The following DSCAML1 variants were observed in gnomAD, a reference collection of about 807,000 sequenced individuals.
DSCAML1 encodes the protein DS cell adhesion molecule like 1.
DSCAML1 carries 38 observed loss-of-function variants against 200.5 expected under a neutral mutation model. The ratio of observed to expected loss-of-function variants is 0.19; its 90% CI spans 0.15 to 0.25. DSCAML1 has a LOEUF of 0.25. Ranked by LOEUF, DSCAML1 falls within the 10% of genes least tolerant of loss-of-function variation. The pLI, the probability that DSCAML1 is intolerant of heterozygous loss-of-function variation, is 1.00. For synonymous variants in DSCAML1, 1,215 were observed against 1,165.0 expected (o/e 1.04, Z -0.87); for missense variants, 2,223 against 2,858.8 (o/e 0.78, Z 5.07).
rs1028734535 is a variant in DSCAML1 at position 117,518,974 on chromosome 11, A to G, written c.1214-212T>C. 6.6e-6 allele frequency among the ~76,000 whole-genome samples: 1 copy of G among 152,190 alleles called. No individual in the cohort carries two copies. Among genetic ancestry groups the G allele is most frequent in the Admixed American group, 6.5e-5 (1 of 15,286 alleles). On this transcript the variant is annotated intron_variant, in intron 6 of 32. Transcript: ENST00000651296. The surrounding 1 kb of genome is among the most constrained non-coding windows in gnomAD (Gnocchi z 6.3). ...GGCTGTAGGGTTTGCATCCTCCCTC[A>G]ATCACTTATTAGCTCTGGGTCTTTG...
In DSCAML1 at chr11:117,469,950, A is replaced by G; in HGVS notation, c.2984T>C (p.Leu995Ser). 6.2e-7 allele frequency: 1 copy of G among 1,608,448 alleles called. No individual in the cohort carries two copies. Among genetic ancestry groups the G allele is most frequent in the East Asian group, 2.2e-5 (1 of 44,764 alleles). ...GATGCTCTGTGAGGTCACTGGCTGCAAGGTAACATCCATGGGGGGCCCATC... is the reference window on the plus strand; with the variant it reads ...GATGCTCTGTGAGGTCACTGGCTGCGAGGTAACATCCATGGGGGGCCCATC... Reference protein sequence around the residue: ...APDGPPMDVTLQPVTSQSIQV... With the variant: ...APDGPPMDVTSQPVTSQSIQV... The change falls in exon 16 of 33, where the codon TTG becomes TCG. Residue 995 changes from leucine (L) to serine (S), a missense_variant. Leu to Ser is a moderately radical substitution (Grantham distance 145, BLOSUM62 -2). Transcript: ENST00000651296. This position sits in a 1 kb window ranked among gnomAD's most constrained non-coding sequence, Gnocchi z 4.1.
At chr11:117,587,343 C>A (rs993148169) in intron 3 of DSCAML1, among the ~76,000 whole-genome samples, 4 of 149,256 alleles carry the variant, frequency 2.7e-5, no homozygotes, top group African/African-American at 4.9e-5. Context: ...TGCACAAGGT[C>A]AACCAGTTAG....
chr11:117,709,101 G>A (rs1283790696), intron 3 of DSCAML1, among the ~76,000 whole-genome samples: 1 of 152,164 alleles, frequency 6.6e-6, no homozygotes, highest in Non-Finnish European at 1.5e-5. Context: ...TAAGGTGACT[G>A]ACTCCTGCCA....
chr11:117,446,263 C>G (rs191326570), intron 20 of DSCAML1, among the ~76,000 whole-genome samples: 341 of 152,346 alleles, frequency 2.2e-3, no homozygotes, highest in African/African-American at 7.9e-3. Context: ...ACTTGGGAGG[C>G]TGAGGCAGGA....
intron 3 of DSCAML1, among the ~76,000 whole-genome samples, chr11:117,562,949 T>A (rs1465765041): frequency 6.6e-6 from 1 of 152,160 alleles, no homozygotes; most frequent in African/African-American, 2.4e-5. Context: ...TATAAGGATG[T>A]TGGAAGGCTT....
rs369604538 is a variant in DSCAML1 at position 117,450,546 on chromosome 11, T to C, written c.3708+3A>G. 5 of 1,613,728 alleles carry C rather than the reference T, an allele frequency of 3.1e-6. No individual in the cohort carries two copies. The African/African-American group carries it at 5.3e-5, about 17-fold the overall frequency. ...TTCATCATCTGGCCCTGAACTCACTTACCGGCTGGCCAGACCCGGGGCTGG... is the reference window on the plus strand; with the variant it reads ...TTCATCATCTGGCCCTGAACTCACTCACCGGCTGGCCAGACCCGGGGCTGG... On this transcript the variant is annotated splice_donor_region_variant and intron_variant, in intron 20 of 32. Coordinates refer to ENST00000651296, the MANE Select transcript of DSCAML1 (RefSeq NM_020693.4).
intron 3 of DSCAML1, among the ~76,000 whole-genome samples, chr11:117,597,506 T>A (rs919333514): frequency 6.6e-6 from 1 of 152,204 alleles, no homozygotes; most frequent in Non-Finnish European, 1.5e-5. Context: ...TGGAGTGCAA[T>A]GGCACGATCT....
chr11:117,597,174 A>C (rs118019532), intron 3 of DSCAML1, among the ~76,000 whole-genome samples: 1 of 152,382 alleles, frequency 6.6e-6, no homozygotes, highest in East Asian at 1.9e-4. Context: ...TATTACAAAT[A>C]ACAAAATGTT....
Position 117,780,271 on chromosome 11 carries a change from A to G in DSCAML1, c.364+222T>C, listed in dbSNP as rs1376031742. On this transcript the variant is annotated intron_variant, in intron 2 of 32. Transcript: ENST00000651296. This position sits in a 1 kb window ranked among gnomAD's most constrained non-coding sequence, Gnocchi z 4.8. ...AAGAAAGAAAGAAAGAAAGAAAGAA[A>G]GAAAGAAAGAAAGAAAGAAAGAAAG... Among the ~76,000 whole-genome samples the G allele has an allele frequency of 6.3e-5, 6 of 95,382 alleles. No individual in the cohort carries two copies. The highest frequency in any genetic ancestry group is 1.5e-4 in the Non-Finnish European group (6 of 39,528). 62.6% of individuals were successfully genotyped at this position (95,382 alleles called of 152,430 possible). A position where few individuals can be genotyped will look rare whatever the true frequency, so the allele number is the denominator to read the frequency against.
At chr11:117,556,992 C>G (rs2050569862) in intron 3 of DSCAML1, among the ~76,000 whole-genome samples, 1 of 152,140 alleles carries the variant, frequency 6.6e-6, no homozygotes. Flanking sequence ...AATGCCCTCT[C>G]CTGGAGATGG....
chr11:117,761,903 A>G (rs1475359179), intron 3 of DSCAML1, among the ~76,000 whole-genome samples: 1 of 152,180 alleles, frequency 6.6e-6, no homozygotes, highest in Non-Finnish European at 1.5e-5. Context: ...TGGGGATGAT[A>G]ACAGTTCCAC....
intron 8 of DSCAML1, among the ~76,000 whole-genome samples, chr11:117,507,191 C>G (rs1251366973): frequency 6.6e-6 from 1 of 152,238 alleles, no homozygotes; most frequent in East Asian, 1.9e-4. Flanking sequence ...ATTAGCTTAA[C>G]AAGGATGAGC....
intron 23 of DSCAML1, 75 bp from the exon 24 acceptor site, chr11:117,439,058 G>A (rs942556624): frequency 6.9e-6 from 10 of 1,441,384 alleles, no homozygotes; most frequent in African/African-American, 4.3e-5. Flanking sequence ...CCCCCGTGAC[G>A]GGAAGGTGCT....
intron 3 of DSCAML1, among the ~76,000 whole-genome samples, chr11:117,597,197 T>C (rs963399555): frequency 6.6e-6 from 1 of 152,218 alleles, no homozygotes; most frequent in East Asian, 1.9e-4. Context: ...TATATGGAAA[T>C]TAGTTTCCAC....
intron 3 of DSCAML1, among the ~76,000 whole-genome samples, chr11:117,614,195 T>C (rs2051761719): frequency 6.6e-6 from 1 of 152,302 alleles, no homozygotes. Flanking sequence ...CTCACGCCTG[T>C]CTTCCCCATC....
At chr11:117,519,864 T>A (rs2049853075) in intron 6 of DSCAML1, among the ~76,000 whole-genome samples, 1 of 152,142 alleles carries the variant, frequency 6.6e-6, no homozygotes, top group Non-Finnish European at 1.5e-5. Flanking sequence ...CAAATGTTTG[T>A]CTGGTCGGGG....
At position 117,780,179 on chromosome 11, in the gene DSCAML1, GAA is replaced by G. The variant is rs753602006; in HGVS notation, c.364+312_364+313del. 9.0e-6 allele frequency among the ~76,000 whole-genome samples: 1 copy of G among 111,314 alleles called. No individual in the cohort carries two copies. The highest frequency in any genetic ancestry group is 3.4e-5 in the African/African-American group (1 of 29,334). The allele number at this position is 111,314 out of a possible 152,430, so 73.0% of individuals were successfully genotyped here. On this transcript the variant is annotated intron_variant, in intron 2 of 32. Transcript: ENST00000651296. The surrounding 1 kb of genome is among the most constrained non-coding windows in gnomAD (Gnocchi z 4.8). ...AGAGAGAAAGAAAGAAAGAAAAAAAGAAAAAAAGAAAGAAAGAAAGAGAAAGA... is the reference window on the plus strand; with the variant it reads ...AGAGAGAAAGAAAGAAAGAAAAAAAGAAAAAGAAAGAAAGAAAGAGAAAGA...
chr11:117,501,476 C>T lies in DSCAML1; in HGVS notation c.2359+2369G>A, dbSNP rs557783837. On this transcript the variant is annotated intron_variant, in intron 11 of 32. Transcript: ENST00000651296. ...CCCCAGACAGAGGCCCTGCCCCTGC[C>T]AGCCTCCATGACTGCTGCCCTGGAG... Among the ~76,000 whole-genome samples, 347 of 152,326 alleles carry T rather than the reference C, an allele frequency of 2.3e-3. 3 individuals are homozygous for T. The highest frequency in any genetic ancestry group is 8.0e-3 in the African/African-American group (334 of 41,572).
At chr11:117,715,661 T>C (rs2053940894) in intron 3 of DSCAML1, among the ~76,000 whole-genome samples, 1 of 152,048 alleles carries the variant, frequency 6.6e-6, no homozygotes, top group Non-Finnish European at 1.5e-5. Flanking sequence ...GTGTGATGAG[T>C]ACGGGACTGG....
Sources: gnomAD v4.1 joint callset for allele counts (sites outside exome capture counted in the v4.1 genomes callset) on GRCh38, gnomAD v4.1.1 for gene constraint, Gnocchi (gnomAD v3.1) non-coding constraint, MANE v1.5 for transcripts, NCBI Gene and HGNC (gene_info 2026-07-23, HGNC 2026-07-21) for gene names.